The following EPM2A variants were observed in gnomAD, a reference collection of about 807,000 sequenced individuals.
The protein encoded by EPM2A is EPM2A glucan phosphatase, laforin.
EPM2A carries 21 observed loss-of-function variants against 26.5 expected under a neutral mutation model. That is an observed-to-expected ratio of 0.79 (90% CI 0.56 to 1.14). EPM2A has a LOEUF of 1.14. Among genes scored for constraint, EPM2A ranks in the 50% most tolerant of loss-of-function variants. The pLI is 0.00. For missense variants in EPM2A, 458 were observed against 440.8 expected (o/e 1.04, Z -0.35); for synonymous variants, 217 against 177.6 (o/e 1.22, Z -1.76).
chr6:145,530,252 A>G (rs985649980), intron 2 of EPM2A, among the ~76,000 whole-genome samples: 12 of 152,206 alleles, frequency 7.9e-5, no homozygotes, highest in Admixed American at 2.6e-4. Flanking sequence ...GGCTGGAACA[A>G]TCTGGGCTAT....
chr6:145,692,036 T>C (rs1781311653), intron 1 of EPM2A, among the ~76,000 whole-genome samples: 1 of 152,044 alleles, frequency 6.6e-6, no homozygotes, highest in South Asian at 2.1e-4. Flanking sequence ...TAGAAAAAGA[T>C]ATACTATGCA....
In EPM2A at chr6:145,635,497, C is replaced by T. The variant is rs770703983; in HGVS notation, c.477-11G>A. 1.2e-6 allele frequency: 2 copies of T among 1,613,754 alleles called. No homozygotes were observed. Among genetic ancestry groups the T allele is most frequent in the South Asian group, 2.2e-5 (2 of 91,076 alleles). Reference sequence around the variant, plus strand: ...ATATTTGGTAGAATTCTAATGAGAACATATGGAGACAACTATCACTAGTGT... The same window carrying T: ...ATATTTGGTAGAATTCTAATGAGAATATATGGAGACAACTATCACTAGTGT... On this transcript the variant is annotated splice_polypyrimidine_tract_variant and intron_variant, in intron 2 of 3. Coordinates refer to ENST00000367519, the MANE Select transcript of EPM2A (RefSeq NM_005670.4).
chr6:145,524,644 G>C (rs1022224122), intron 2 of EPM2A, among the ~76,000 whole-genome samples: 9 of 151,804 alleles, frequency 5.9e-5, no homozygotes, highest in African/African-American at 2.2e-4. Context: ...TGCTTGTTAA[G>C]TTCCTTATAG....
chr6:145,731,647 G>A (rs1022476017), intron 1 of EPM2A, among the ~76,000 whole-genome samples: 6 of 152,046 alleles, frequency 3.9e-5, no homozygotes, highest in African/African-American at 1.2e-4. Flanking sequence ...TGAGGGGAGG[G>A]AACTTAGAGG....
At chr6:145,450,749 G>T (rs1779186261) in intron 4 of EPM2A, among the ~76,000 whole-genome samples, 1 of 152,136 alleles carries the variant, frequency 6.6e-6, no homozygotes, top group South Asian at 2.1e-4. Flanking sequence ...CAGCAGCTCT[G>T]TCTTGTTTCC....
intron 1 of EPM2A, among the ~76,000 whole-genome samples, chr6:145,694,690 C>A (rs1182444246): frequency 6.6e-6 from 1 of 151,954 alleles, no homozygotes; most frequent in Non-Finnish European, 1.5e-5. Flanking sequence ...AGTCAAAATA[C>A]CCTGATCATG....
intron 1 of EPM2A, among the ~76,000 whole-genome samples, chr6:145,714,735 C>A (rs1036842801): frequency 6.6e-5 from 10 of 152,148 alleles, no homozygotes; most frequent in East Asian, 3.9e-4. Context: ...AGAGAGAGAT[C>A]TTGTGCAGGG....
At chr6:145,604,468 C>G (rs1481734773) in intron 2 of EPM2A, among the ~76,000 whole-genome samples, 1 of 152,002 alleles carries the variant, frequency 6.6e-6, no homozygotes, top group Non-Finnish European at 1.5e-5. Context: ...TTCACTGGCT[C>G]TTATAAATGC....
intron 4 of EPM2A, among the ~76,000 whole-genome samples, chr6:145,424,333 G>A (rs1281561480): frequency 6.6e-6 from 1 of 152,150 alleles, no homozygotes; most frequent in African/African-American, 2.4e-5. Context: ...TTAAACTGAA[G>A]GAGATTAAGC....
At chr6:145,680,434 A>G (rs1021578541) in intron 2 of EPM2A, among the ~76,000 whole-genome samples, 3 of 150,902 alleles carry the variant, frequency 2.0e-5, no homozygotes, top group African/African-American at 7.3e-5. Context: ...GTACATGTGC[A>G]CAATGTGCAG....
chr6:145,592,549 T>C (rs1002591656), intron 2 of EPM2A, among the ~76,000 whole-genome samples: 5 of 152,172 alleles, frequency 3.3e-5, no homozygotes, highest in Non-Finnish European at 7.4e-5. Flanking sequence ...CTGCGTCAAA[T>C]GGTATTTCTA....
In EPM2A at chr6:145,627,383, G is replaced by C; in HGVS notation, c.*33C>G. ...CCAACATCATCCCAGGCTCCTTAGG[G>C]AAATCAGGAGGGGGCAGAAGCAGGC... On this transcript the variant is annotated 3_prime_UTR_variant, in exon 4 of 4. Coordinates refer to ENST00000367519, the MANE Select transcript of EPM2A (RefSeq NM_005670.4). The C allele has an allele frequency of 6.2e-7, 1 of 1,613,232 alleles. No individual in the cohort carries two copies. Among genetic ancestry groups the C allele is most frequent in the South Asian group, 1.1e-5 (1 of 91,024 alleles).
At chr6:145,440,425 T>C (rs993190871) in intron 4 of EPM2A, among the ~76,000 whole-genome samples, 2 of 152,136 alleles carry the variant, frequency 1.3e-5, no homozygotes, top group African/African-American at 4.8e-5. Flanking sequence ...AACCATATAA[T>C]TGCACCCTGG....
At chr6:145,671,431 T>A in intron 2 of EPM2A, 1 of 983,314 alleles carries the variant, frequency 1.0e-6, no homozygotes, top group Non-Finnish European at 1.2e-6. Flanking sequence ...TGAACTATAG[T>A]CATTGTGAGT....
chr6:145,542,553 C>T (rs998557430), intron 2 of EPM2A, among the ~76,000 whole-genome samples: 3 of 152,044 alleles, frequency 2.0e-5, no homozygotes, highest in African/African-American at 7.3e-5. Context: ...TACTGAAAGC[C>T]AAAAATAGTC....
chr6:145,542,715 TGTTA>T (rs930635585), intron 2 of EPM2A, among the ~76,000 whole-genome samples: 56 of 152,150 alleles, frequency 3.7e-4, no homozygotes, highest in African/African-American at 1.4e-3. Flanking sequence ...CTTTATTTTT[TGTTA>T]GTTTGTTTGC....
chr6:145,642,994 G>A (rs1777199505), intron 2 of EPM2A, among the ~76,000 whole-genome samples: 2 of 152,182 alleles, frequency 1.3e-5, no homozygotes, highest in African/African-American at 4.8e-5. Context: ...GGTAGCAGGT[G>A]TAGCAGAGAC....
At chr6:145,385,922 A>G (rs961649868) in intron 4 of EPM2A, among the ~76,000 whole-genome samples, 4 of 152,046 alleles carry the variant, frequency 2.6e-5, no homozygotes, top group Admixed American at 2.6e-4. Flanking sequence ...GCCTGAAATC[A>G]AGAATTTAAA....
intron 3 of EPM2A, chr6:145,634,978 T>C (rs1190952047): frequency 5.4e-6 from 2 of 369,038 alleles, no homozygotes; most frequent in Admixed American, 7.6e-5. Flanking sequence ...TGTCTTTCTT[T>C]ACTGCTGTGT....
Sources: gnomAD v4.1 joint callset for allele counts (sites outside exome capture counted in the v4.1 genomes callset) on GRCh38, gnomAD v4.1.1 for gene constraint, MANE v1.5 for transcripts, NCBI Gene and HGNC (gene_info 2026-07-23, HGNC 2026-07-21) for gene names.